Variants in SEMA3E observed in about 807,000 individuals in gnomAD.
The protein encoded by SEMA3E is semaphorin 3E.
In SEMA3E, 49 loss-of-function variants were observed where a neutral mutation model predicts 93.6. That is an observed-to-expected ratio of 0.52 (90% CI 0.42 to 0.66). The LOEUF (loss-of-function observed/expected upper bound fraction) is 0.66. SEMA3E is among the 30% of genes least tolerant of loss of function. The pLI, the probability that SEMA3E is intolerant of heterozygous loss-of-function variation, is 0.00. For synonymous variants in SEMA3E, 363 were observed against 330.7 expected (o/e 1.10, Z -1.06); for missense variants, 906 against 964.8 (o/e 0.94, Z 0.81).
chr7:83,459,170 A>G (rs1486740466), intron 4 of SEMA3E, among the ~76,000 whole-genome samples: 2 of 151,974 alleles, frequency 1.3e-5, no homozygotes, highest in African/African-American at 4.8e-5. Context: ...GAAACTGTTG[A>G]AAACCAATGA....
intron 1 of SEMA3E, among the ~76,000 whole-genome samples, chr7:83,614,886 A>G (rs1793332030): frequency 6.6e-6 from 1 of 152,152 alleles, no homozygotes; most frequent in Admixed American, 6.6e-5. Flanking sequence ...ATGAATGCCC[A>G]AGGAAGAATT....
chr7:83,562,458 C>T (rs1207889171), intron 1 of SEMA3E, among the ~76,000 whole-genome samples: 2 of 130,842 alleles, frequency 1.5e-5, no homozygotes, highest in African/African-American at 6.1e-5. Context: ...GCTTTCTGAA[C>T]TTCCTTTTTA....
At chr7:83,569,974 A>G (rs565636615) in intron 1 of SEMA3E, among the ~76,000 whole-genome samples, 45 of 152,336 alleles carry the variant, frequency 3.0e-4, no homozygotes, top group Non-Finnish European at 2.2e-4. Flanking sequence ...TTCTTGGTCA[A>G]GAAGCAAGTC....
rs759436104 is a variant in SEMA3E, at chr7:83,367,805, C to T, written c.2109G>A (p.Ser703=). 41 of 1,613,956 alleles carry T rather than the reference C, an allele frequency of 2.5e-5. No individual in the cohort carries two copies. Among genetic ancestry groups the T allele is most frequent in the Non-Finnish European group, 3.2e-5 (38 of 1,180,008 alleles). The change falls in exon 17 of 17, where the codon TCG becomes TCA. Residue 703 remains serine, a synonymous_variant. Transcript: ENST00000643230. ...CCTTGTACCATGGTTTTGCTCCCTG[C>T]GAGATGCTACTCTGAGCAGGACAAG... is the stretch of plus-strand genomic sequence containing the variant. ...RMPCPAQSSI[S]QGAKPWYKEF...
intron 1 of SEMA3E, among the ~76,000 whole-genome samples, chr7:83,528,032 A>T (rs1791198721): frequency 6.6e-6 from 1 of 152,102 alleles, no homozygotes; most frequent in Admixed American, 6.6e-5. Flanking sequence ...TATTTGATTT[A>T]CACTGAATTA....
intron 5 of SEMA3E, among the ~76,000 whole-genome samples, chr7:83,411,366 C>T (rs1788436210): frequency 6.6e-6 from 1 of 151,982 alleles, no homozygotes; most frequent in South Asian, 2.1e-4. Context: ...TATATAGGTG[C>T]TAAAAACTGT....
intron 16 of SEMA3E, among the ~76,000 whole-genome samples, chr7:83,380,609 T>C (rs905362337): frequency 1.3e-5 from 2 of 152,016 alleles, no homozygotes; most frequent in African/African-American, 2.4e-5. Flanking sequence ...CGTTTCCCAG[T>C]TGGTTATTAT....
intron 1 of SEMA3E, among the ~76,000 whole-genome samples, chr7:83,534,920 T>C (rs951937882): frequency 6.6e-6 from 1 of 152,194 alleles, no homozygotes; most frequent in Admixed American, 6.5e-5. Flanking sequence ...AATCTAGTGA[T>C]AGGATTTTAT....
intron 4 of SEMA3E, among the ~76,000 whole-genome samples, chr7:83,433,841 T>G (rs1788938462): frequency 6.6e-6 from 1 of 152,108 alleles, no homozygotes; most frequent in African/African-American, 2.4e-5. Flanking sequence ...GCTCTATAGC[T>G]TATCAAAGTT....
At chr7:83,538,230 G>C (rs1791445154) in intron 1 of SEMA3E, among the ~76,000 whole-genome samples, 1 of 152,070 alleles carries the variant, frequency 6.6e-6, no homozygotes, top group Non-Finnish European at 1.5e-5. Flanking sequence ...TGGAGTTTCT[G>C]GGTCATAGGG....
At chr7:83,440,261 T>A (rs1395856437) in intron 4 of SEMA3E, among the ~76,000 whole-genome samples, 1 of 151,944 alleles carries the variant, frequency 6.6e-6, no homozygotes, top group Non-Finnish European at 1.5e-5. Context: ...AGGTACATAG[T>A]GTTATGAGAA....
intron 12 of SEMA3E, among the ~76,000 whole-genome samples, chr7:83,395,896 C>T (rs73169980): frequency 0.073 from 11,146 of 152,098 alleles, 564 homozygotes; most frequent in Middle Eastern, 0.18. Flanking sequence ...AAGAAGGTTA[C>T]GTATTGATCT....
intron 1 of SEMA3E, among the ~76,000 whole-genome samples, chr7:83,643,530 C>T (rs1177276090): frequency 6.6e-6 from 1 of 151,878 alleles, no homozygotes; most frequent in Non-Finnish European, 1.5e-5. Flanking sequence ...CTGTAAAATG[C>T]AACATCCAGA....
At chr7:83,480,596 A>G (rs1014798923) in intron 2 of SEMA3E, among the ~76,000 whole-genome samples, 14 of 152,050 alleles carry the variant, frequency 9.2e-5, no homozygotes, top group African/African-American at 2.9e-4. Context: ...TTTTGTAGTT[A>G]TTATTTTTGT....
rs1350313111 is a variant in SEMA3E at position 83,496,986 on chromosome 7, G to A, written c.116-6712C>T. ...CTCTAAAAATAACATGAATTGCTTGGGGATGGAATGGACAAAGAAATAAGA... is the reference window on the plus strand; with the variant it reads ...CTCTAAAAATAACATGAATTGCTTGAGGATGGAATGGACAAAGAAATAAGA... On this transcript the variant is annotated intron_variant, in intron 1 of 16. Coordinates refer to ENST00000643230, the MANE Select transcript of SEMA3E (RefSeq NM_012431.3). Among the ~76,000 whole-genome samples the A allele has an allele frequency of 2.6e-5, 4 of 152,022 alleles. No individual in the cohort carries two copies. The East Asian group carries it at 7.7e-4, about 29-fold the overall frequency.
intron 1 of SEMA3E, among the ~76,000 whole-genome samples, chr7:83,619,362 G>C (rs1440167547): frequency 6.6e-6 from 1 of 151,732 alleles, no homozygotes; most frequent in Non-Finnish European, 1.5e-5. Flanking sequence ...CTTGAACAAA[G>C]CAAAATATAA....
chr7:83,533,672 A>G (rs987724530), intron 1 of SEMA3E, among the ~76,000 whole-genome samples: 4 of 152,186 alleles, frequency 2.6e-5, no homozygotes, highest in African/African-American at 9.7e-5. Flanking sequence ...CCTTCACCTG[A>G]GACAAGACAG....
chr7:83,447,059 TAG>T (rs1789246323), intron 4 of SEMA3E, among the ~76,000 whole-genome samples: 1 of 152,164 alleles, frequency 6.6e-6, no homozygotes. Context: ...AAAAGAGGAT[TAG>T]AGAGAAAAAC....
At chr7:83,563,282 T>G (rs1792075641) in intron 1 of SEMA3E, among the ~76,000 whole-genome samples, 1 of 152,224 alleles carries the variant, frequency 6.6e-6, no homozygotes, top group Admixed American at 6.5e-5. Context: ...GCAGAAGGAC[T>G]GTGGCTATGA....
Sources: allele counts gnomAD v4.1 joint callset (sites outside exome capture counted in the v4.1 genomes callset), GRCh38; gene constraint gnomAD v4.1.1; transcripts MANE v1.5; gene names NCBI Gene and HGNC (gene_info 2026-07-23, HGNC 2026-07-21).